Variants in CCDC7 observed in about 807,000 individuals in gnomAD.
CCDC7 encodes coiled-coil domain-containing protein 7.
CCDC7 carries 183 observed loss-of-function variants against 196.9 expected under a neutral mutation model. That is an observed-to-expected ratio of 0.93 (90% confidence interval 0.82 to 1.05). The LOEUF (loss-of-function observed/expected upper bound fraction) is 1.05. Ranked by LOEUF, CCDC7 falls within the 50% of genes least tolerant of loss-of-function variation. The probability of loss-of-function intolerance (pLI) is 0.00; values close to 1 mark genes in which losing one functional copy is unlikely to be tolerated. For missense variants in CCDC7, 1,540 were observed against 1,482.2 expected (o/e 1.04, Z -0.64); for synonymous variants, 525 against 484.6 (o/e 1.08, Z -1.10).
chr10:32,675,257 A>G (rs2074733511), intron 21 of CCDC7, among the ~76,000 whole-genome samples: 1 of 151,874 alleles, frequency 6.6e-6, no homozygotes, highest in Admixed American at 6.6e-5. Flanking sequence ...TGTGTCTGAT[A>G]CAGGTTTTTC....
At chr10:32,815,314 A>G (rs2088180829) in intron 31 of CCDC7, among the ~76,000 whole-genome samples, 1 of 152,188 alleles carries the variant, frequency 6.6e-6, no homozygotes, top group Non-Finnish European at 1.5e-5. Flanking sequence ...AATAATAATA[A>G]TATCATCAAA....
chr10:32,787,837 G>A (rs1046498752), intron 29 of CCDC7, among the ~76,000 whole-genome samples: 8 of 151,816 alleles, frequency 5.3e-5, no homozygotes, highest in South Asian at 4.2e-4. Flanking sequence ...CTTCAGGCTC[G>A]CCCCTATTCC....
At position 32,562,705 on chromosome 10, in the gene CCDC7, C is replaced by T. The variant is rs1268391663; in HGVS notation, c.1135-2853C>T. ...CACAGCCAATATCATACTGAATGGG[C>T]AAAAACTGGAAGCATTCCCTTTGAA... On this transcript the variant is annotated intron_variant, in intron 13 of 41. Transcript: ENST00000639629. 2.0e-5 allele frequency among the ~76,000 whole-genome samples: 3 copies of T among 150,792 alleles called. No individual in the cohort carries two copies. The East Asian group carries it at 5.8e-4, about 29-fold the overall frequency.
At chr10:32,449,933 T>G (rs1319594610), upstream of CCDC7, among the ~76,000 whole-genome samples, 1 of 152,234 alleles carries the variant, frequency 6.6e-6, no homozygotes, top group African/African-American at 2.4e-5. Flanking sequence ...ACACCAACTC[T>G]GCTGGTGCCT....
chr10:32,838,475 G>A (rs2092770659), intron 33 of CCDC7, among the ~76,000 whole-genome samples: 2 of 152,136 alleles, frequency 1.3e-5, no homozygotes, highest in South Asian at 2.1e-4. Context: ...ACTCCAAGAA[G>A]TTTGGGACTA....
rs117164855 is a variant in CCDC7, at chr10:32,632,228, T to C, written c.1802-2026T>C. On this transcript the variant is annotated intron_variant, in intron 18 of 41. Coordinates refer to ENST00000639629, the Ensembl canonical transcript of CCDC7. ...AGACATCCTTATCTTGTTTTTACTT[T>C]AGTGGGAAAGCATTAACCATTAAGT... Among the ~76,000 whole-genome samples the C allele has an allele frequency of 1.8e-4, 27 of 151,966 alleles. No homozygotes were observed. The East Asian group carries it at 4.8e-3, about 27-fold the overall frequency.
intron 25 of CCDC7, among the ~76,000 whole-genome samples, chr10:32,714,579 A>G (rs1483267177): frequency 6.6e-6 from 1 of 152,164 alleles, no homozygotes; most frequent in African/African-American, 2.4e-5. Context: ...AAGGGGGCTG[A>G]AGCCAGGGAG....
intron 20 of CCDC7, among the ~76,000 whole-genome samples, chr10:32,658,884 TTGTAA>T (rs1293472815): frequency 6.6e-6 from 1 of 152,236 alleles, no homozygotes; most frequent in Non-Finnish European, 1.5e-5. Flanking sequence ...CTGTGGTCAG[TTGTAA>T]TGTCTCATCT....
In CCDC7 at chr10:32,769,383, AT is replaced by A. The variant is rs61495038; in HGVS notation, c.2906-9585del. ...TTCATATCTGATTATGTTTACTTGG[AT>A]TTTTTTTTGGTTAGTCTAGATAGTG... On this transcript the variant is annotated intron_variant, in intron 28 of 41. Transcript: ENST00000639629. Among the ~76,000 whole-genome samples, 1,491 of 150,700 alleles carry A rather than the reference AT, an allele frequency of 9.9e-3. 21 individuals are homozygous for A. Among genetic ancestry groups the A allele is most frequent in the African/African-American group, 0.034 (1,416 of 41,060 alleles).
chr10:32,758,830 T>A (rs1314759623), intron 28 of CCDC7, among the ~76,000 whole-genome samples: 1 of 152,194 alleles, frequency 6.6e-6, no homozygotes, highest in Non-Finnish European at 1.5e-5. Context: ...GATGACATGA[T>A]TGTATATTTA....
At chr10:32,694,773 T>A in intron 23 of CCDC7, 106 bp from the exon 25 acceptor site, 1 of 574,764 alleles carries the variant, frequency 1.7e-6, no homozygotes, top group Non-Finnish European at 2.9e-6. Flanking sequence ...ACTTACAAAT[T>A]TATCAAAATG....
intron 41 of CCDC7, among the ~76,000 whole-genome samples, chr10:32,875,315 G>C (rs975993040): frequency 6.6e-6 from 1 of 152,000 alleles, no homozygotes; most frequent in Non-Finnish European, 1.5e-5. Context: ...TTTGTATAAG[G>C]TTTAAGGAAG....
intron 11 of CCDC7, among the ~76,000 whole-genome samples, chr10:32,534,362 T>C (rs2050142757): frequency 6.6e-6 from 1 of 152,200 alleles, no homozygotes; most frequent in Non-Finnish European, 1.5e-5. Flanking sequence ...TTTTGAATTC[T>C]TGTTCCGAGA....
At chr10:32,710,356 T>A (rs1185564840) in intron 24 of CCDC7, among the ~76,000 whole-genome samples, 1 of 152,210 alleles carries the variant, frequency 6.6e-6, no homozygotes, top group Non-Finnish European at 1.5e-5. Flanking sequence ...AACTAAGAGC[T>A]GTTATTGATG....
At chr10:32,524,505 G>A (rs2048365265) in intron 11 of CCDC7, among the ~76,000 whole-genome samples, 1 of 152,022 alleles carries the variant, frequency 6.6e-6, no homozygotes, top group African/African-American at 2.4e-5. Flanking sequence ...CTCATTGCTC[G>A]CTAACATCCT....
intron 15 of CCDC7, among the ~76,000 whole-genome samples, chr10:32,570,716 A>G (rs2057432033): frequency 6.6e-6 from 1 of 152,184 alleles, no homozygotes; most frequent in African/African-American, 2.4e-5. Flanking sequence ...GGAGATGCAC[A>G]TTCTTTTTTC....
At chr10:32,768,866 CCACTTAAT>C (rs2078728064) in intron 28 of CCDC7, among the ~76,000 whole-genome samples, 1 of 152,010 alleles carries the variant, frequency 6.6e-6, no homozygotes, top group Admixed American at 6.6e-5. Flanking sequence ...GGAATAAACC[CCACTTAAT>C]CATGGTATAT....
intron 28 of CCDC7, among the ~76,000 whole-genome samples, chr10:32,742,913 G>T (rs1186228470): frequency 1.3e-5 from 2 of 152,184 alleles, no homozygotes; most frequent in African/African-American, 2.4e-5. Flanking sequence ...AAAGTTGAGA[G>T]ATAAAATTCA....
At chr10:32,679,111 G>GAAAAT (rs990776433) in intron 21 of CCDC7, among the ~76,000 whole-genome samples, 1 of 152,042 alleles carries the variant, frequency 6.6e-6, no homozygotes, top group African/African-American at 2.4e-5. Context: ...AAGATAATTA[G>GAAAAT]AAAATAAAAG....
Sources: allele counts gnomAD v4.1 joint callset (sites outside exome capture counted in the v4.1 genomes callset), GRCh38; gene constraint gnomAD v4.1.1; transcripts MANE v1.5; gene names NCBI Gene and HGNC (gene_info 2026-07-23, HGNC 2026-07-21).